TMEM132D: variants seen among roughly 807,000 people sequenced by gnomAD.
TMEM132D encodes transmembrane protein 132D.
In TMEM132D, 21 loss-of-function variants were observed where a neutral mutation model predicts 62.3. That is an observed-to-expected ratio of 0.34 (90% CI 0.24 to 0.49). TMEM132D has a LOEUF of 0.49. TMEM132D is among the 20% of genes least tolerant of loss of function. The pLI is 0.99. For synonymous variants in TMEM132D, 621 were observed against 575.6 expected (o/e 1.08, Z -1.13); for missense variants, 1,346 against 1,402.8 (o/e 0.96, Z 0.65).
At chr12:129,893,110 C>G (rs930133033) in intron 1 of TMEM132D, among the ~76,000 whole-genome samples, 1 of 152,048 alleles carries the variant, frequency 6.6e-6, no homozygotes, top group African/African-American at 2.4e-5. Context: ...CTCTTGACCT[C>G]GTGATCCGCC....
rs148657844 is a variant in TMEM132D, at chr12:129,261,322, G to T, written c.1300-51659C>A. 2.7e-3 allele frequency among the ~76,000 whole-genome samples: 414 copies of T among 152,284 alleles called. 1 individual carries two copies. The highest frequency in any genetic ancestry group is 4.6e-3 in the Non-Finnish European group (315 of 68,026). On this transcript the variant is annotated intron_variant, in intron 4 of 8. Coordinates refer to ENST00000422113, the MANE Select transcript of TMEM132D (RefSeq NM_133448.3). ...GGTGGGAAGTAATTGAATCATGGGGGTGGGTTTCCCTGTGCTGTTCTTGTG... is the reference window on the plus strand; with the variant it reads ...GGTGGGAAGTAATTGAATCATGGGGTTGGGTTTCCCTGTGCTGTTCTTGTG...
intron 2 of TMEM132D, among the ~76,000 whole-genome samples, chr12:129,668,996 T>C (rs1343714420): frequency 6.6e-6 from 1 of 152,168 alleles, no homozygotes; most frequent in African/African-American, 2.4e-5. Flanking sequence ...CCACATTATC[T>C]TACGTCCTCA....
In TMEM132D at chr12:129,507,550, AT is replaced by A. The variant is rs748404043; in HGVS notation, c.1115+23508del. 2.2e-3 allele frequency among the ~76,000 whole-genome samples: 332 copies of A among 152,350 alleles called. 2 individuals carry two copies. Among genetic ancestry groups the A allele is most frequent in the Non-Finnish European group, 2.5e-3 (170 of 68,030 alleles). ...CCATAAGAAGTAATGAATTAATGGCATTCGCAGCAACCTGGATGAGATTGGA... is the reference window on the plus strand; with the variant it reads ...CCATAAGAAGTAATGAATTAATGGCATCGCAGCAACCTGGATGAGATTGGA... On this transcript the variant is annotated intron_variant, in intron 3 of 8. Coordinates refer to ENST00000422113, the MANE Select transcript of TMEM132D (RefSeq NM_133448.3).
At chr12:129,134,677 G>T (rs1412152631) in intron 5 of TMEM132D, among the ~76,000 whole-genome samples, 1 of 152,198 alleles carries the variant, frequency 6.6e-6, no homozygotes, top group Non-Finnish European at 1.5e-5. Context: ...GATTCAGAAA[G>T]TAATTGATGG....
At chr12:129,312,210 TGCGTTTAACAGTTG>T (rs1224297672) in intron 4 of TMEM132D, among the ~76,000 whole-genome samples, 3 of 152,158 alleles carry the variant, frequency 2.0e-5, no homozygotes, top group African/African-American at 7.2e-5. Context: ...AGCAGACAGC[TGCGTTTAACAGTTG>T]GCTTTGGGGA....
At chr12:129,583,094 C>T (rs1565912169) in intron 2 of TMEM132D, among the ~76,000 whole-genome samples, 1 of 152,194 alleles carries the variant, frequency 6.6e-6, no homozygotes, top group Admixed American at 6.5e-5. Context: ...AGGCGTGAGC[C>T]ACTGTGCCCA....
chr12:129,211,577 A>T (rs1879048816), intron 4 of TMEM132D, among the ~76,000 whole-genome samples: 1 of 152,232 alleles, frequency 6.6e-6, no homozygotes. Context: ...CTTAGATAAG[A>T]TCTTATTTGT....
chr12:129,784,546 G>C (rs899554960), intron 1 of TMEM132D, among the ~76,000 whole-genome samples: 12 of 152,042 alleles, frequency 7.9e-5, no homozygotes, highest in Non-Finnish European at 1.6e-4. Flanking sequence ...GCCCATTTTC[G>C]GCATCTGTGC....
chr12:129,422,270 C>A (rs1195762521), intron 3 of TMEM132D, among the ~76,000 whole-genome samples: 1 of 151,990 alleles, frequency 6.6e-6, no homozygotes, highest in Non-Finnish European at 1.5e-5. Context: ...ATAAACAAAA[C>A]AGAAAGAGGG....
At chr12:129,675,826 C>A (rs1010497000) in intron 2 of TMEM132D, among the ~76,000 whole-genome samples, 12 of 152,146 alleles carry the variant, frequency 7.9e-5, no homozygotes, top group African/African-American at 2.9e-4. Flanking sequence ...TCAGTGGTGC[C>A]GAGGTTGAGA....
At chr12:129,400,823 G>C (rs554602260) in intron 3 of TMEM132D, among the ~76,000 whole-genome samples, 110 of 152,208 alleles carry the variant, frequency 7.2e-4, no homozygotes, top group Admixed American at 8.5e-4. Flanking sequence ...CATTTGAGTG[G>C]GAAAGCAACC....
chr12:129,361,600 T>C (rs897585698), intron 3 of TMEM132D, among the ~76,000 whole-genome samples: 11 of 152,222 alleles, frequency 7.2e-5, no homozygotes, highest in African/African-American at 2.7e-4. Context: ...CCACTTAGTA[T>C]TTGTAACCCA....
intron 2 of TMEM132D, among the ~76,000 whole-genome samples, chr12:129,692,854 GC>G (rs1454743256): frequency 2.6e-5 from 4 of 152,000 alleles, no homozygotes; most frequent in Non-Finnish European, 5.9e-5. Context: ...TCGGGGGAGG[GC>G]AGTGGGGGGA....
intron 3 of TMEM132D, among the ~76,000 whole-genome samples, chr12:129,346,444 T>A (rs1447207601): frequency 1.3e-5 from 2 of 152,236 alleles, no homozygotes; most frequent in South Asian, 4.1e-4. Context: ...CCTTCAGTTC[T>A]GCTTTGATCT....
chr12:129,552,029 T>G (rs1224580726), intron 2 of TMEM132D, among the ~76,000 whole-genome samples: 3 of 152,232 alleles, frequency 2.0e-5, no homozygotes, highest in Non-Finnish European at 2.9e-5. Context: ...GGGTCTCTCT[T>G]GCTCTAAATT....
chr12:129,562,906 T>C (rs752571772), intron 2 of TMEM132D, among the ~76,000 whole-genome samples: 1 of 152,232 alleles, frequency 6.6e-6, no homozygotes, highest in Non-Finnish European at 1.5e-5. Flanking sequence ...CCAAATCAGA[T>C]AAGCATCCCC....
chr12:129,143,833 C>T (rs928818710), intron 5 of TMEM132D, among the ~76,000 whole-genome samples: 3 of 152,074 alleles, frequency 2.0e-5, no homozygotes, highest in Non-Finnish European at 4.4e-5. Flanking sequence ...TGGCCTTGTT[C>T]TTGCTTTTCT....
chr12:129,420,672 C>T (rs1373266952), intron 3 of TMEM132D, among the ~76,000 whole-genome samples: 7 of 152,116 alleles, frequency 4.6e-5, no homozygotes, highest in Non-Finnish European at 7.3e-5. Flanking sequence ...AACCAACGCT[C>T]AGCAAGCTGG....
intron 5 of TMEM132D, among the ~76,000 whole-genome samples, chr12:129,172,494 G>T (rs1201230552): frequency 2.0e-5 from 3 of 152,210 alleles, no homozygotes; most frequent in Non-Finnish European, 4.4e-5. Flanking sequence ...TCCTCACTCA[G>T]CTTAACCATT....
Sources: gnomAD v4.1 joint callset for allele counts (sites outside exome capture counted in the v4.1 genomes callset) on GRCh38, gnomAD v4.1.1 for gene constraint, MANE v1.5 for transcripts, NCBI Gene and HGNC (gene_info 2026-07-23, HGNC 2026-07-21) for gene names.